The following EBF1 variants were observed in gnomAD, a reference collection of about 807,000 sequenced individuals.
The protein encoded by EBF1 is transcription factor COE1.
A neutral mutation model predicts 68.4 loss-of-function variants in EBF1; 10 were observed. The observed-to-expected ratio is 0.15, with a 90% CI of 0.09 to 0.25. The LOEUF is 0.25. EBF1 is among the 10% of genes least tolerant of loss of function. The pLI is 1.00. For missense variants in EBF1, 509 were observed against 794.4 expected (o/e 0.64, Z 4.32); for synonymous variants, 298 against 299.8 (o/e 0.99, Z 0.06).
At chr5:158,961,026 A>G (rs1818085197) in intron 6 of EBF1, among the ~76,000 whole-genome samples, 1 of 152,242 alleles carries the variant, frequency 6.6e-6, no homozygotes, top group Non-Finnish European at 1.5e-5. Flanking sequence ...GAGAAAATGA[A>G]TAGGCAATTC....
At chr5:158,860,436 C>G (rs572612116) in intron 6 of EBF1, among the ~76,000 whole-genome samples, 1 of 152,164 alleles carries the variant, frequency 6.6e-6, no homozygotes, top group East Asian at 1.9e-4. Context: ...CGCCTACTCA[C>G]CCTGGCTTCT....
chr5:158,765,824 A>G (rs1312832330), intron 10 of EBF1, among the ~76,000 whole-genome samples: 1 of 152,182 alleles, frequency 6.6e-6, no homozygotes, highest in Admixed American at 6.5e-5. Flanking sequence ...TAAAAGGGTG[A>G]GCCTACTTTA....
intron 6 of EBF1, among the ~76,000 whole-genome samples, chr5:159,067,477 C>T (rs1050181006): frequency 6.6e-6 from 1 of 152,154 alleles, no homozygotes; most frequent in Non-Finnish European, 1.5e-5. Flanking sequence ...ACAGTGTCTG[C>T]AATAGTATTA....
chr5:158,923,425 A>C (rs924329661), intron 6 of EBF1, among the ~76,000 whole-genome samples: 3 of 152,188 alleles, frequency 2.0e-5, no homozygotes, highest in Non-Finnish European at 4.4e-5. Flanking sequence ...CCTTAGAGAA[A>C]ATATTGCCAC....
intron 10 of EBF1, among the ~76,000 whole-genome samples, chr5:158,747,676 A>G (rs1561813880): frequency 6.6e-6 from 1 of 152,010 alleles, no homozygotes; most frequent in African/African-American, 2.4e-5. Flanking sequence ...TTTTGCAAAA[A>G]CCTCCAAGAC....
chr5:158,852,809 A>G (rs1793221557), intron 6 of EBF1, among the ~76,000 whole-genome samples: 2 of 152,190 alleles, frequency 1.3e-5, no homozygotes, highest in Admixed American at 1.3e-4. Context: ...CAGCATTTAG[A>G]CTTTCTGAGG....
chr5:159,071,345 C>T (rs1777762224), intron 6 of EBF1, among the ~76,000 whole-genome samples: 1 of 152,102 alleles, frequency 6.6e-6, no homozygotes, highest in Non-Finnish European at 1.5e-5. Context: ...ACACTGTTTT[C>T]TACTTTGTCA....
chr5:158,775,783 G>GACACACACACACACAC (rs58752245), intron 10 of EBF1, among the ~76,000 whole-genome samples: 14 of 129,598 alleles, frequency 1.1e-4, no homozygotes, highest in South Asian at 5.6e-4. Context: ...CATGCACACA[G>GACACACACACACACAC]ACACACACAC....
intron 6 of EBF1, among the ~76,000 whole-genome samples, chr5:158,863,830 A>G (rs369822519): frequency 6.6e-6 from 1 of 152,214 alleles, no homozygotes; most frequent in Admixed American, 6.5e-5. Context: ...TGCTCTAAAC[A>G]TATTTTACGT....
chr5:158,711,467 T>A (rs1322992574), intron 14 of EBF1, among the ~76,000 whole-genome samples: 1 of 152,218 alleles, frequency 6.6e-6, no homozygotes, highest in Non-Finnish European at 1.5e-5. Flanking sequence ...CGCTATCTTC[T>A]CTATGTCTCA....
chr5:158,872,444 C>G (rs1797048846), intron 6 of EBF1, among the ~76,000 whole-genome samples: 1 of 152,172 alleles, frequency 6.6e-6, no homozygotes, highest in Non-Finnish European at 1.5e-5. Context: ...AACTGATCCA[C>G]CAGCCTTGGC....
intron 8 of EBF1, among the ~76,000 whole-genome samples, chr5:158,818,343 G>A (rs948325917): frequency 1.1e-4 from 16 of 152,222 alleles, no homozygotes; most frequent in Admixed American, 1.0e-3. Flanking sequence ...GCTGGTCACA[G>A]GAAGTCAATG....
chr5:158,718,498 G>A (rs139717373), intron 11 of EBF1, among the ~76,000 whole-genome samples: 2 of 152,148 alleles, frequency 1.3e-5, no homozygotes, highest in African/African-American at 2.4e-5. Flanking sequence ...GAAGGGGATC[G>A]TGATGGTATG....
chr5:158,728,259 A>T (rs1168693982), intron 11 of EBF1, among the ~76,000 whole-genome samples: 1 of 152,202 alleles, frequency 6.6e-6, no homozygotes, highest in African/African-American at 2.4e-5. Flanking sequence ...GGCTCCGGCC[A>T]GCCCTTGCAC....
At chr5:159,047,997 T>C (rs1223550634) in intron 6 of EBF1, among the ~76,000 whole-genome samples, 5 of 152,174 alleles carry the variant, frequency 3.3e-5, no homozygotes, top group African/African-American at 4.8e-5. Context: ...TTGCATCACC[T>C]GGACCTTTCA....
chr5:158,988,168 G>A (rs1020024428), intron 6 of EBF1, among the ~76,000 whole-genome samples: 3 of 152,220 alleles, frequency 2.0e-5, no homozygotes, highest in Non-Finnish European at 4.4e-5. Flanking sequence ...GAAACTATGA[G>A]CCAGCCATCC....
chr5:158,798,495 G>T (rs749565416), intron 8 of EBF1, among the ~76,000 whole-genome samples: 1 of 152,044 alleles, frequency 6.6e-6, no homozygotes, highest in Non-Finnish European at 1.5e-5. Context: ...GAGGTGGAAG[G>T]GGGTGTTTCT....
At chr5:158,938,529 T>A (rs181350774) in intron 6 of EBF1, among the ~76,000 whole-genome samples, 1 of 152,212 alleles carries the variant, frequency 6.6e-6, no homozygotes, top group Non-Finnish European at 1.5e-5. Flanking sequence ...GTGTGGCTGA[T>A]AAACAAAGGA....
chr5:158,788,502 T>C (rs17056216), intron 9 of EBF1, among the ~76,000 whole-genome samples: 8,791 of 152,198 alleles, frequency 0.058, 346 homozygotes, highest in Non-Finnish European at 0.077. Context: ...GGAGTCAAGG[T>C]GGTGTGCTTG....
Sources: gnomAD v4.1 joint callset for allele counts (sites outside exome capture counted in the v4.1 genomes callset) on GRCh38, gnomAD v4.1.1 for gene constraint, MANE v1.5 for transcripts, NCBI Gene and HGNC (gene_info 2026-07-23, HGNC 2026-07-21) for gene names.